SRGAP2C: variants seen among roughly 807,000 people sequenced by gnomAD.
The protein encoded by SRGAP2C is SLIT-ROBO Rho GTPase-activating protein 2C.
In SRGAP2C, 15 loss-of-function variants were observed where a neutral mutation model predicts 25.1. The observed-to-expected ratio is 0.60, with a 90% CI of 0.40 to 0.92. The LOEUF (loss-of-function observed/expected upper bound fraction) is 0.92. Ranked by LOEUF, SRGAP2C falls within the 40% of genes least tolerant of loss-of-function variation. The pLI is 0.00. For missense variants in SRGAP2C, 144 were observed against 264.4 expected (o/e 0.54, Z 3.16); for synonymous variants, 44 against 96.6 (o/e 0.46, Z 3.19).
chr1:121,389,174 C>T lies in SRGAP2C; in HGVS notation c.*1319C>T, dbSNP rs1660015220. ...CATATTTATGAGTAAAATATTAAAACCTATACAAAAAAATAACAGAATGGC... is the reference window on the plus strand; with the variant it reads ...CATATTTATGAGTAAAATATTAAAATCTATACAAAAAAATAACAGAATGGC... On this transcript the variant is annotated 3_prime_UTR_variant, in exon 10 of 10. Transcript: ENST00000367123. 1 of 151,992 alleles carries T rather than the reference C, an allele frequency of 6.6e-6. No homozygotes were observed. Among genetic ancestry groups the T allele is most frequent in the Non-Finnish European group, 1.5e-5 (1 of 67,996 alleles). 9.4% of individuals were successfully genotyped at this position (151,992 alleles called of 1,614,324 possible). A position where few individuals can be genotyped will look rare whatever the true frequency, so the allele number is the denominator to read the frequency against.
At chr1:121,289,332 G>A (rs1175387799) in intron 3 of SRGAP2C, among the ~76,000 whole-genome samples, 9 of 150,542 alleles carry the variant, frequency 6.0e-5, no homozygotes, top group African/African-American at 1.2e-4. Flanking sequence ...TACACCCTCC[G>A]CAGCCACTGG....
At chr1:121,310,875 C>T (rs1178914251) in intron 3 of SRGAP2C, among the ~76,000 whole-genome samples, 2 of 73,018 alleles carry the variant, frequency 2.7e-5, no homozygotes, top group African/African-American at 9.9e-5. Context: ...CAGCTTTGTT[C>T]TTTTGGCTTA....
At chr1:121,187,869 A>C (rs1654560384) in intron 2 of SRGAP2C, among the ~76,000 whole-genome samples, 1 of 151,888 alleles carries the variant, frequency 6.6e-6, no homozygotes, top group Non-Finnish European at 1.5e-5. Context: ...AAGACAACTG[A>C]AATCTGACAG....
At chr1:121,305,319 T>G (rs1320366267) in intron 3 of SRGAP2C, among the ~76,000 whole-genome samples, 1 of 123,410 alleles carries the variant, frequency 8.1e-6, no homozygotes, top group African/African-American at 3.1e-5. Context: ...TGATCTGGCC[T>G]TTCAGACATG....
At chr1:121,339,414 G>C (rs1454275631) in intron 4 of SRGAP2C, among the ~76,000 whole-genome samples, 51 of 150,840 alleles carry the variant, frequency 3.4e-4, no homozygotes, top group Non-Finnish European at 7.2e-4. Flanking sequence ...ACCACATCCA[G>C]CTAAGTTTTT....
At chr1:121,217,878 C>T (rs1460544240) in intron 2 of SRGAP2C, among the ~76,000 whole-genome samples, 60 of 151,442 alleles carry the variant, frequency 4.0e-4, no homozygotes, top group African/African-American at 1.4e-3. Context: ...GTACTTGTAC[C>T]TTTTCTCAAC....
intron 2 of SRGAP2C, among the ~76,000 whole-genome samples, chr1:121,211,101 A>G (rs1402343494): frequency 3.3e-5 from 5 of 149,740 alleles, no homozygotes; most frequent in African/African-American, 9.9e-5. Flanking sequence ...CAGGATAGTG[A>G]AGGATCCTTC....
intron 2 of SRGAP2C, among the ~76,000 whole-genome samples, chr1:121,258,030 G>A (rs1405450566): frequency 6.6e-6 from 1 of 151,666 alleles, no homozygotes; most frequent in Non-Finnish European, 1.5e-5. Context: ...AATTGCCTGG[G>A]TTGAAAAGCC....
At position 121,312,566 on chromosome 1, in the gene SRGAP2C, C is replaced by G. The variant is rs1488484187; in HGVS notation, c.261-11912C>G. Among the ~76,000 whole-genome samples, 8 of 112,182 alleles carry G rather than the reference C, an allele frequency of 7.1e-5. No individual in the cohort carries two copies. The East Asian group carries it at 2.4e-3, about 34-fold the overall frequency. The allele number at this position is 112,182 out of a possible 152,430, so 73.6% of individuals were successfully genotyped here. A position where few individuals can be genotyped will look rare whatever the true frequency, so the allele number is the denominator to read the frequency against. On this transcript the variant is annotated intron_variant, in intron 3 of 9. Transcript: ENST00000367123. The stretch of plus-strand genomic sequence containing the variant: ...TGCTTTCTCTTGTGGGCATTTAGTG[C>G]TATAAATTTCCCTCTACACACTGCT...
rs1209312876 is a variant in SRGAP2C, at chr1:121,392,364, G to C, written c.*4509G>C. 1 of 150,518 alleles carries C rather than the reference G, an allele frequency of 6.6e-6. No individual in the cohort carries two copies. The highest frequency in any genetic ancestry group is 6.6e-5 in the Admixed American group (1 of 15,172). The allele number at this position is 150,518 out of a possible 1,614,324, so 9.3% of individuals were successfully genotyped here. ...TCTCGCCTTCATTATCCCTTTCGCTGTTTCTCTTTCTCCCTTTCTCTTTTT... is the reference window on the plus strand; with the variant it reads ...TCTCGCCTTCATTATCCCTTTCGCTCTTTCTCTTTCTCCCTTTCTCTTTTT... On this transcript the variant is annotated 3_prime_UTR_variant, in exon 10 of 10. Transcript: ENST00000367123.
intron 2 of SRGAP2C, among the ~76,000 whole-genome samples, chr1:121,222,576 G>A (rs1471287830): frequency 6.6e-6 from 1 of 152,194 alleles, no homozygotes; most frequent in Non-Finnish European, 1.5e-5. Flanking sequence ...CTACGGTGCT[G>A]TAATCATGCC....
intron 4 of SRGAP2C, among the ~76,000 whole-genome samples, chr1:121,335,148 C>T (rs1171988820): frequency 1.3e-5 from 2 of 150,784 alleles, no homozygotes; most frequent in Admixed American, 1.3e-4. Flanking sequence ...CAAAAATTAG[C>T]TGGGCATGGT....
chr1:121,340,666 A>G (rs1303260242), intron 4 of SRGAP2C, among the ~76,000 whole-genome samples: 1 of 151,086 alleles, frequency 6.6e-6, no homozygotes, highest in Admixed American at 6.6e-5. Flanking sequence ...AAACAGATTC[A>G]TGAAAAGTAA....
intron 2 of SRGAP2C, among the ~76,000 whole-genome samples, chr1:121,259,891 CTT>C (rs1656581253): frequency 9.5e-6 from 1 of 105,534 alleles, no homozygotes; most frequent in African/African-American, 3.7e-5. Flanking sequence ...CTCTCTCTCT[CTT>C]GCCCAGGTTG....
chr1:121,229,453 A>AG (rs1272495761), intron 2 of SRGAP2C, among the ~76,000 whole-genome samples: 2 of 140,358 alleles, frequency 1.4e-5, no homozygotes, highest in Non-Finnish European at 3.1e-5. Flanking sequence ...ATCTTGACAG[A>AG]GGAGCTTCTG....
At chr1:121,231,201 GA>G (rs781917846) in intron 2 of SRGAP2C, among the ~76,000 whole-genome samples, 3 of 112,278 alleles carry the variant, frequency 2.7e-5, no homozygotes, top group Admixed American at 9.2e-5. Flanking sequence ...AAAAGAAAAA[GA>G]AAAAAAAAGT....
At chr1:121,312,552 G>C (rs1410518753) in intron 3 of SRGAP2C, among the ~76,000 whole-genome samples, 49 of 106,780 alleles carry the variant, frequency 4.6e-4, no homozygotes, top group African/African-American at 1.5e-3. Context: ...GCTTTCTCTT[G>C]TGGGCATTTA....
intron 2 of SRGAP2C, among the ~76,000 whole-genome samples, chr1:121,229,040 T>C (rs1655752816): frequency 1.4e-5 from 2 of 148,056 alleles, no homozygotes; most frequent in African/African-American, 5.1e-5. Flanking sequence ...CTCCTTCACA[T>C]TGAGGGGAGA....
intron 4 of SRGAP2C, among the ~76,000 whole-genome samples, chr1:121,359,990 C>T (rs1659152866): frequency 1.3e-5 from 2 of 151,940 alleles, no homozygotes; most frequent in African/African-American, 4.8e-5. Context: ...ATTGTAAATG[C>T]ACCAATCAGC....
Sources: gnomAD v4.1 joint callset for allele counts (sites outside exome capture counted in the v4.1 genomes callset) on GRCh38, gnomAD v4.1.1 for gene constraint, MANE v1.5 for transcripts, NCBI Gene and HGNC (gene_info 2026-07-23, HGNC 2026-07-21) for gene names.